Variants in RBFOX1 observed in about 807,000 individuals in gnomAD.
RBFOX1 encodes the protein RNA binding fox-1 homolog 1.
RBFOX1 carries 8 observed loss-of-function variants against 57.7 expected under a neutral mutation model. The observed-to-expected ratio is 0.14, with a 90% CI of 0.08 to 0.25. The LOEUF (loss-of-function observed/expected upper bound fraction) is 0.25, where lower values mean the gene tolerates loss of function less well. Among genes scored for constraint, RBFOX1 ranks in the 10% least tolerant of loss-of-function variants. The probability of loss-of-function intolerance (pLI) is 1.00; values close to 1 mark genes in which losing one functional copy is unlikely to be tolerated. For missense variants in RBFOX1, 611 were observed against 548.5 expected (o/e 1.11, Z -1.14); for synonymous variants, 326 against 222.4 (o/e 1.47, Z -4.15).
At chr16:5,807,758 T>C (rs962792013) in intron 3 of RBFOX1, among the ~76,000 whole-genome samples, 11 of 152,250 alleles carry the variant, frequency 7.2e-5, no homozygotes, top group African/African-American at 2.6e-4. Flanking sequence ...CTGGGAATCT[T>C]GTTACAATGC....
chr16:7,387,688 T>A (rs2097908052), intron 4 of RBFOX1, among the ~76,000 whole-genome samples: 1 of 151,908 alleles, frequency 6.6e-6, no homozygotes, highest in South Asian at 2.1e-4. Context: ...CCATTAGGAG[T>A]GGTGTCGGTG....
intron 4 of RBFOX1, among the ~76,000 whole-genome samples, chr16:7,238,789 C>T (rs1168632831): frequency 6.6e-6 from 1 of 152,164 alleles, no homozygotes; most frequent in African/African-American, 2.4e-5. Context: ...CCTGTCCCTC[C>T]CCTGACCTCC....
At chr16:6,132,266 C>T (rs1597614434) in intron 1 of RBFOX1, among the ~76,000 whole-genome samples, 1 of 152,072 alleles carries the variant, frequency 6.6e-6, no homozygotes, top group African/African-American at 2.4e-5. Context: ...CTATTTCCAG[C>T]CCCCTGGCAG....
intron 1 of RBFOX1, among the ~76,000 whole-genome samples, chr16:6,087,190 C>T (rs988882065): frequency 1.6e-4 from 25 of 152,162 alleles, no homozygotes; most frequent in South Asian, 8.3e-4. Flanking sequence ...GACGTTAGAA[C>T]GCCTGCCAGG....
intron 1 of RBFOX1, among the ~76,000 whole-genome samples, chr16:5,364,156 C>G: frequency 6.6e-6 from 1 of 152,202 alleles, no homozygotes; most frequent in East Asian, 1.9e-4. Context: ...TACAGGTTGC[C>G]AATTGCTTTA....
chr16:7,451,467 G>A (rs561648348), intron 4 of RBFOX1, among the ~76,000 whole-genome samples: 8 of 152,016 alleles, frequency 5.3e-5, no homozygotes, highest in Non-Finnish European at 2.9e-5. Flanking sequence ...TTTTGTGCTC[G>A]GGACCGTAAT....
intron 1 of RBFOX1, among the ~76,000 whole-genome samples, chr16:6,304,207 G>A (rs2079173213): frequency 6.6e-6 from 1 of 151,756 alleles, no homozygotes; most frequent in Admixed American, 6.6e-5. Context: ...AGGATCACTT[G>A]AACCCAAGAG....
intron 2 of RBFOX1, among the ~76,000 whole-genome samples, chr16:6,464,457 A>G (rs1467789858): frequency 6.6e-6 from 1 of 152,246 alleles, no homozygotes; most frequent in Non-Finnish European, 1.5e-5. Context: ...GACAGCAACA[A>G]CAAGCGTTGT....
intron 3 of RBFOX1, among the ~76,000 whole-genome samples, chr16:6,948,848 T>C (rs1256845930): frequency 1.3e-5 from 2 of 152,168 alleles, no homozygotes; most frequent in East Asian, 3.9e-4. Context: ...GTCATCAGTC[T>C]TCTGTCCGTC....
intron 1 of RBFOX1, among the ~76,000 whole-genome samples, chr16:6,150,542 A>C (rs1442237440): frequency 6.6e-6 from 1 of 152,166 alleles, no homozygotes; most frequent in East Asian, 1.9e-4. Flanking sequence ...AAATGAACCA[A>C]ATGAATGCTA....
chr16:6,177,721 A>G (rs1167464511), intron 1 of RBFOX1, among the ~76,000 whole-genome samples: 1 of 152,122 alleles, frequency 6.6e-6, no homozygotes, highest in African/African-American at 2.4e-5. Flanking sequence ...GATATTTTGA[A>G]TATCATGAGA....
chr16:5,862,112 A>G (rs976575179), intron 3 of RBFOX1, among the ~76,000 whole-genome samples: 4 of 152,188 alleles, frequency 2.6e-5, no homozygotes, highest in African/African-American at 9.7e-5. Context: ...AGACCATTCC[A>G]TAAGTCAGTT....
chr16:6,978,553 G>A (rs1431408043), intron 3 of RBFOX1, among the ~76,000 whole-genome samples: 1 of 151,394 alleles, frequency 6.6e-6, no homozygotes, highest in Non-Finnish European at 1.5e-5. Context: ...ACTCACTACA[G>A]TCATAGAGCC....
At chr16:6,655,529 ATCT>A (rs2098644000) in intron 3 of RBFOX1, among the ~76,000 whole-genome samples, 2 of 152,048 alleles carry the variant, frequency 1.3e-5, no homozygotes, top group African/African-American at 4.8e-5. Flanking sequence ...TCACCCATTT[ATCT>A]TCTTTGCTAC....
intron 4 of RBFOX1, among the ~76,000 whole-genome samples, chr16:7,355,882 G>A (rs2097206409): frequency 6.6e-6 from 1 of 152,216 alleles, no homozygotes; most frequent in African/African-American, 2.4e-5. Context: ...GCTCTGCCCA[G>A]GCTTCTAGCT....
intron 1 of RBFOX1, among the ~76,000 whole-genome samples, chr16:6,258,788 G>A (rs74005051): frequency 0.021 from 3,130 of 152,228 alleles, 84 homozygotes; most frequent in African/African-American, 0.062. Flanking sequence ...CACAAGGGAT[G>A]CATGCTTGAA....
intron 2 of RBFOX1, among the ~76,000 whole-genome samples, chr16:6,318,573 A>C (rs925046474): frequency 6.6e-6 from 1 of 152,116 alleles, no homozygotes; most frequent in Non-Finnish European, 1.5e-5. Flanking sequence ...CTGTCTTCTG[A>C]ATATGATTGA....
In RBFOX1 at chr16:6,830,129, C is replaced by T. The variant is rs180761260; in HGVS notation, c.-16+175479C>T. On this transcript the variant is annotated intron_variant, in intron 3 of 15. Transcript: ENST00000550418. ...ACAAGGTTTTACCATGTTGGCCAGG[C>T]TGGTCTTGAATTCCTGACCTCAGGT... Among the ~76,000 whole-genome samples, 237 of 152,054 alleles carry T rather than the reference C, an allele frequency of 1.6e-3. 2 individuals carry two copies. The highest frequency in any genetic ancestry group is 5.6e-3 in the African/African-American group (234 of 41,476).
intron 3 of RBFOX1, among the ~76,000 whole-genome samples, chr16:5,747,675 T>A (rs1386601326): frequency 6.6e-6 from 1 of 152,196 alleles, no homozygotes; most frequent in Non-Finnish European, 1.5e-5. Flanking sequence ...GTAGAGGTGT[T>A]TATACTATTC....
Sources: gnomAD v4.1 joint callset for allele counts (sites outside exome capture counted in the v4.1 genomes callset) on GRCh38, gnomAD v4.1.1 for gene constraint, MANE v1.5 for transcripts, NCBI Gene and HGNC (gene_info 2026-07-23, HGNC 2026-07-21) for gene names.